ZBTB7C: variants seen among roughly 807,000 people sequenced by gnomAD.
ZBTB7C encodes the protein zinc finger and BTB domain-containing protein 7C.
In ZBTB7C, 8 loss-of-function variants were observed where a neutral mutation model predicts 25.7. The ratio of observed to expected loss-of-function variants is 0.31; its 90% CI spans 0.18 to 0.56. The LOEUF is 0.56. ZBTB7C is among the 20% of genes least tolerant of loss of function. The pLI, the probability that ZBTB7C is intolerant of heterozygous loss-of-function variation, is 0.91. For missense variants in ZBTB7C, 824 were observed against 855.2 expected (o/e 0.96, Z 0.46); for synonymous variants, 394 against 369.0 (o/e 1.07, Z -0.78).
At chr18:48,358,579 A>C (rs1294223608) in intron 1 of ZBTB7C, among the ~76,000 whole-genome samples, 1 of 152,206 alleles carries the variant, frequency 6.6e-6, no homozygotes, top group African/African-American at 2.4e-5. Flanking sequence ...TCTTTATAGC[A>C]ACGCAAAAAC....
intron 3 of ZBTB7C, among the ~76,000 whole-genome samples, chr18:48,077,184 T>C (rs970571383): frequency 6.6e-6 from 1 of 151,850 alleles, no homozygotes; most frequent in Non-Finnish European, 1.5e-5. Context: ...TGAGGAGATG[T>C]CGGCTAGAGG....
At chr18:48,387,811 G>C (rs116181591) in intron 1 of ZBTB7C, among the ~76,000 whole-genome samples, 1 of 143,446 alleles carries the variant, frequency 7.0e-6, no homozygotes, top group Non-Finnish European at 1.5e-5. Flanking sequence ...TGGCTATGCA[G>C]GTTTTTTGTT....
At chr18:48,120,859 AG>A (rs1488629003) in intron 3 of ZBTB7C, among the ~76,000 whole-genome samples, 1 of 152,238 alleles carries the variant, frequency 6.6e-6, no homozygotes, top group Non-Finnish European at 1.5e-5. Context: ...TTGCCTGCAG[AG>A]GATGCTGGGA....
Position 48,408,913 on chromosome 18 carries a change from C to T in ZBTB7C, c.-304+313G>A, listed in dbSNP as rs1449290288. Among the ~76,000 whole-genome samples the T allele has an allele frequency of 7.9e-5, 12 of 151,254 alleles. No homozygotes were observed. The East Asian group carries it at 1.6e-3, about 20-fold the overall frequency. On this transcript the variant is annotated intron_variant, in intron 1 of 4. Coordinates refer to ENST00000590800, the MANE Select transcript of ZBTB7C (RefSeq NM_001318841.2). Reference sequence around the variant, plus strand: ...GCTGGCTCGCTCTCCGCTGGCTCTCCCCTCCCTCCTTCCCTCCCTCCCTCC... The same window carrying T: ...GCTGGCTCGCTCTCCGCTGGCTCTCTCCTCCCTCCTTCCCTCCCTCCCTCC...
intron 1 of ZBTB7C, among the ~76,000 whole-genome samples, chr18:48,402,769 A>G (rs936553135): frequency 1.3e-5 from 2 of 152,352 alleles, no homozygotes; most frequent in African/African-American, 4.8e-5. Flanking sequence ...TGGTTCCAGA[A>G]AAAAAAGACT....
At chr18:48,186,765 A>C (rs1182381004) in intron 2 of ZBTB7C, among the ~76,000 whole-genome samples, 1 of 152,088 alleles carries the variant, frequency 6.6e-6, no homozygotes, top group Non-Finnish European at 1.5e-5. Context: ...GGATTTTTGG[A>C]GGGAGTCAGG....
At chr18:48,139,936 G>C (rs1481895436) in intron 3 of ZBTB7C, among the ~76,000 whole-genome samples, 7 of 151,996 alleles carry the variant, frequency 4.6e-5, no homozygotes, top group African/African-American at 1.7e-4. Context: ...TCCAGCCCTA[G>C]CCCTTCTCAG....
chr18:48,367,092 T>C (rs1177232673), intron 1 of ZBTB7C, among the ~76,000 whole-genome samples: 1 of 146,876 alleles, frequency 6.8e-6, no homozygotes, highest in African/African-American at 2.5e-5. Context: ...TTTTAAAAAA[T>C]AATAAAGAAA....
At position 48,361,632 on chromosome 18, in the gene ZBTB7C, G is replaced by A. The variant is rs557916310; in HGVS notation, c.-303-23234C>T. ...CTCTCCCCTGATGCCCTGTTGAGAG[G>A]GCAGTGGGTCTCAACCCCAGGGCAC... is the stretch of plus-strand genomic sequence containing the variant. On this transcript the variant is annotated intron_variant, in intron 1 of 4. Coordinates refer to ENST00000590800, the MANE Select transcript of ZBTB7C (RefSeq NM_001318841.2). 3.9e-5 allele frequency among the ~76,000 whole-genome samples: 6 copies of A among 152,296 alleles called. No homozygotes were observed. The South Asian group carries it at 6.2e-4, about 16-fold the overall frequency.
intron 3 of ZBTB7C, among the ~76,000 whole-genome samples, chr18:48,136,018 T>C (rs1467326581): frequency 6.6e-6 from 1 of 152,176 alleles, no homozygotes; most frequent in Non-Finnish European, 1.5e-5. Flanking sequence ...GGAGCGACCC[T>C]GGAGCCCTCA....
intron 2 of ZBTB7C, among the ~76,000 whole-genome samples, chr18:48,270,039 T>G (rs1356087186): frequency 6.6e-6 from 1 of 151,806 alleles, no homozygotes; most frequent in Non-Finnish European, 1.5e-5. Flanking sequence ...CAAATAATAA[T>G]GACAAGATAA....
intron 2 of ZBTB7C, among the ~76,000 whole-genome samples, chr18:48,260,633 C>T (rs1568336613): frequency 6.6e-6 from 1 of 152,212 alleles, no homozygotes; most frequent in Non-Finnish European, 1.5e-5. Flanking sequence ...CAAAAGCTCC[C>T]TTCCGGTCAG....
chr18:48,318,697 T>C (rs1487889510), intron 2 of ZBTB7C, among the ~76,000 whole-genome samples: 6 of 152,190 alleles, frequency 3.9e-5, no homozygotes, highest in Non-Finnish European at 8.8e-5. Flanking sequence ...CAGCATCTAT[T>C]GTTTGCTGAA....
At chr18:48,189,871 C>G (rs749921956) in intron 2 of ZBTB7C, among the ~76,000 whole-genome samples, 5 of 152,210 alleles carry the variant, frequency 3.3e-5, no homozygotes, top group African/African-American at 9.7e-5. Context: ...AGCTCTGTCT[C>G]TCCTTGGCTC....
intron 3 of ZBTB7C, among the ~76,000 whole-genome samples, chr18:48,175,494 T>C (rs1222047440): frequency 1.3e-5 from 2 of 152,188 alleles, no homozygotes; most frequent in Non-Finnish European, 2.9e-5. Context: ...AAAATACAAA[T>C]ATGTCAGTGT....
chr18:48,182,316 G>T (rs1160844931), intron 3 of ZBTB7C, among the ~76,000 whole-genome samples: 2 of 152,188 alleles, frequency 1.3e-5, no homozygotes, highest in Non-Finnish European at 1.5e-5. Flanking sequence ...AAGGGAGCTT[G>T]CTTGCAAGAG....
At chr18:48,345,191 G>C (rs2046699547) in intron 1 of ZBTB7C, among the ~76,000 whole-genome samples, 1 of 152,170 alleles carries the variant, frequency 6.6e-6, no homozygotes, top group Non-Finnish European at 1.5e-5. Context: ...CAGTTATTAA[G>C]GGTAAAAATA....
chr18:48,199,891 G>C (rs1212361474), intron 2 of ZBTB7C, among the ~76,000 whole-genome samples: 2 of 152,180 alleles, frequency 1.3e-5, no homozygotes, highest in Admixed American at 6.5e-5. Flanking sequence ...GGGAAGGCTT[G>C]AGCGCTATAC....
chr18:48,090,312 G>A (rs775761010), intron 3 of ZBTB7C, among the ~76,000 whole-genome samples: 3 of 152,212 alleles, frequency 2.0e-5, no homozygotes, highest in Non-Finnish European at 4.4e-5. Context: ...AGGGGGCTTC[G>A]GTGCTTGGCT....
Sources: allele counts gnomAD v4.1 joint callset (sites outside exome capture counted in the v4.1 genomes callset), GRCh38; gene constraint gnomAD v4.1.1; transcripts MANE v1.5; gene names NCBI Gene and HGNC (gene_info 2026-07-23, HGNC 2026-07-21).